Variants in ANKUB1 observed in about 807,000 individuals in gnomAD.
ANKUB1 encodes protein ANKUB1.
In ANKUB1, 42 loss-of-function variants were observed where a neutral mutation model predicts 49.3. That is an observed-to-expected ratio of 0.85 (90% CI 0.67 to 1.10). The LOEUF (loss-of-function observed/expected upper bound fraction) is 1.10, where lower values mean the gene tolerates loss of function less well. Ranked by LOEUF, ANKUB1 falls within the 50% of genes least tolerant of loss-of-function variation. The pLI, the probability that ANKUB1 is intolerant of heterozygous loss-of-function variation, is 0.00. For synonymous variants in ANKUB1, 222 were observed against 231.0 expected, an observed-to-expected ratio of 0.96 and a Z score of 0.35; for missense variants, 613 against 642.0, an observed-to-expected ratio of 0.95 and a Z score of 0.49.
chr3:149,765,399 C>T (rs557816183), intron 5 of ANKUB1, among the ~76,000 whole-genome samples: 6 of 152,058 alleles, frequency 3.9e-5, no homozygotes, highest in Non-Finnish European at 8.8e-5. Flanking sequence ...TGTATGAAAA[C>T]ATAAAAATTC....
intron 2 of ANKUB1, among the ~76,000 whole-genome samples, chr3:149,790,209 G>A (rs977191664): frequency 2.6e-5 from 4 of 151,980 alleles, no homozygotes; most frequent in Non-Finnish European, 5.9e-5. Context: ...CATTAATTTT[G>A]TTTATATTAC....
At chr3:149,771,525 A>G (rs1291783891) in intron 3 of ANKUB1, among the ~76,000 whole-genome samples, 1 of 152,154 alleles carries the variant, frequency 6.6e-6, no homozygotes, top group Non-Finnish European at 1.5e-5. Flanking sequence ...TTTCACTTCA[A>G]CCATAGCTAA....
At chr3:149,765,888 T>G (rs1716992537) in intron 5 of ANKUB1, among the ~76,000 whole-genome samples, 1 of 152,192 alleles carries the variant, frequency 6.6e-6, no homozygotes, top group Non-Finnish European at 1.5e-5. Flanking sequence ...TCAACCTCAC[T>G]CTGTTGGATA....
rs144845141 is a variant in ANKUB1, at chr3:149,780,130, A to G, written c.451+109T>C. ...GTGAATATGTAAATAAAGTTAACAGATTGTATATGAAAATCTAGATTTCTA... is the reference window on the plus strand; with the variant it reads ...GTGAATATGTAAATAAAGTTAACAGGTTGTATATGAAAATCTAGATTTCTA... On this transcript the variant is annotated intron_variant, in intron 3 of 5. Coordinates refer to ENST00000446160, the MANE Select transcript of ANKUB1 (RefSeq NM_001144960.3). 115 of 835,714 alleles carry G rather than the reference A, an allele frequency of 1.4e-4. 1 individual carries two copies. The African/African-American group carries it at 1.9e-3, about 14-fold the overall frequency. 51.8% of individuals were successfully genotyped at this position (835,714 alleles called of 1,614,324 possible).
Position 149,761,309 on chromosome 3 carries a change from A to T in ANKUB1, c.*175T>A. 1 of 690,752 alleles carries T rather than the reference A, an allele frequency of 1.4e-6. No individual in the cohort carries two copies. Among genetic ancestry groups the T allele is most frequent in the Non-Finnish European group, 2.2e-6 (1 of 451,656 alleles). The allele number at this position is 690,752 out of a possible 1,614,324, so 42.8% of individuals were successfully genotyped here. ...TATGCAAAAATAGCACTAAAGTTTCACTTAGTGTGATGAAGTCTGAGAAAA... is the reference window on the plus strand; with the variant it reads ...TATGCAAAAATAGCACTAAAGTTTCTCTTAGTGTGATGAAGTCTGAGAAAA... On this transcript the variant is annotated 3_prime_UTR_variant, in exon 6 of 6. Coordinates refer to ENST00000446160, the MANE Select transcript of ANKUB1 (RefSeq NM_001144960.3).
intron 4 of ANKUB1, among the ~76,000 whole-genome samples, chr3:149,770,345 T>C (rs1482181898): frequency 6.6e-6 from 1 of 152,182 alleles, no homozygotes; most frequent in Non-Finnish European, 1.5e-5. Flanking sequence ...GAGGAAAGTC[T>C]ACCTGAATCG....
At chr3:149,773,843 C>A (rs1717468102) in intron 3 of ANKUB1, among the ~76,000 whole-genome samples, 1 of 152,160 alleles carries the variant, frequency 6.6e-6, no homozygotes, top group Admixed American at 6.5e-5. Flanking sequence ...GTCCAGAGAA[C>A]AACCTTAATT....
intron 3 of ANKUB1, among the ~76,000 whole-genome samples, chr3:149,773,282 T>G (rs1368842086): frequency 2.0e-5 from 3 of 152,228 alleles, no homozygotes; most frequent in Admixed American, 6.5e-5. Context: ...GCTCTTCCTC[T>G]GTTACTCCTT....
chr3:149,765,451 A>G (rs1323792216), intron 5 of ANKUB1, among the ~76,000 whole-genome samples: 4 of 152,088 alleles, frequency 2.6e-5, no homozygotes, highest in Non-Finnish European at 5.9e-5. Flanking sequence ...TATGGATTTT[A>G]CTATATATTT....
At chr3:149,777,290 G>A (rs1717639938) in intron 3 of ANKUB1, among the ~76,000 whole-genome samples, 1 of 152,088 alleles carries the variant, frequency 6.6e-6, no homozygotes, top group Admixed American at 6.5e-5. Context: ...TGGCCAACAG[G>A]GTGAAACCCC....
rs1031056621 is a variant in ANKUB1, at chr3:149,768,219, A to C, written c.567-124T>G. On this transcript the variant is annotated intron_variant, in intron 4 of 5. Transcript: ENST00000446160. The stretch of plus-strand genomic sequence containing the variant: ...TTATTTCTTCTTAACTTTTACCTTA[A>C]AATATTTTTAGAAAAGGCATATAGT... The C allele has an allele frequency of 9.1e-6, 7 of 765,198 alleles. No homozygotes were observed. In the Admixed American group the frequency reaches 2.2e-4, roughly 24 times the overall value. The allele number at this position is 765,198 out of a possible 1,614,324, so 47.4% of individuals were successfully genotyped here. A position where few individuals can be genotyped will look rare whatever the true frequency, so the allele number is the denominator to read the frequency against.
chr3:149,791,738 A>G (rs943164554), intron 1 of ANKUB1, among the ~76,000 whole-genome samples: 1 of 152,216 alleles, frequency 6.6e-6, no homozygotes, highest in African/African-American at 2.4e-5. Context: ...GGAAGATACT[A>G]TACCCAAGTT....
At chr3:149,790,203 A>C (rs138251661) in intron 2 of ANKUB1, among the ~76,000 whole-genome samples, 150 of 152,214 alleles carry the variant, frequency 9.9e-4, no homozygotes, top group African/African-American at 3.6e-3. Context: ...CAGGCACATT[A>C]ATTTTGTTTA....
chr3:149,791,393 G>A (rs1053762593), intron 1 of ANKUB1, among the ~76,000 whole-genome samples: 2 of 152,082 alleles, frequency 1.3e-5, no homozygotes, highest in Non-Finnish European at 2.9e-5. Context: ...TCATACATTT[G>A]CTTTTTAATA....
chr3:149,767,610 C>A lies in ANKUB1; in HGVS notation c.1052G>T (p.Gly351Val), dbSNP rs755014212. 2.6e-6 allele frequency: 4 copies of A among 1,551,654 alleles called. No homozygotes were observed. The highest frequency in any genetic ancestry group is 1.2e-5 in the South Asian group (1 of 84,056). ...GGAGGTCATTTTTGGTTTGGTGAAA[C>A]CATCCACCATCACAGTGTCTCCAAC... ...AKVGDTVMVD[G>V]FTKPKMTSKS... The change falls in exon 5 of 6, where the codon GGT becomes GTT. Residue 351 changes from glycine (G) to valine (V), a missense_variant. Coordinates refer to ENST00000446160, the MANE Select transcript of ANKUB1 (RefSeq NM_001144960.3).
At chr3:149,782,469 A>G (rs1029293205) in intron 2 of ANKUB1, among the ~76,000 whole-genome samples, 2 of 152,192 alleles carry the variant, frequency 1.3e-5, no homozygotes, top group African/African-American at 4.8e-5. Context: ...TCGTATACTT[A>G]TATCTATAAA....
intron 2 of ANKUB1, among the ~76,000 whole-genome samples, chr3:149,786,184 C>T (rs986279389): frequency 3.2e-4 from 48 of 152,244 alleles, no homozygotes; most frequent in Admixed American, 2.3e-3. Context: ...TACAGGCACC[C>T]GCCAACGCGC....
intron 3 of ANKUB1, among the ~76,000 whole-genome samples, chr3:149,775,232 C>T (rs1717540723): frequency 6.6e-6 from 1 of 152,176 alleles, no homozygotes; most frequent in South Asian, 2.1e-4. Context: ...GGAGTCAACA[C>T]ATGCCTATCT....
At chr3:149,766,503 G>A in intron 5 of ANKUB1, 1 of 211,250 alleles carries the variant, frequency 4.7e-6, no homozygotes, top group Non-Finnish European at 9.8e-6. Context: ...GGAGGAAAAA[G>A]AAGAAGCATT....
Sources: gnomAD v4.1 joint callset for allele counts (sites outside exome capture counted in the v4.1 genomes callset) on GRCh38, gnomAD v4.1.1 for gene constraint, MANE v1.5 for transcripts, NCBI Gene and HGNC (gene_info 2026-07-23, HGNC 2026-07-21) for gene names.